TNFRSF10A: variants seen among roughly 807,000 people sequenced by gnomAD.
TNFRSF10A encodes the protein tumor necrosis factor receptor superfamily member 10A.
In TNFRSF10A, 44 loss-of-function variants were observed where a neutral mutation model predicts 42.8. The observed-to-expected ratio is 1.03, with a 90% CI of 0.81 to 1.32. The LOEUF (loss-of-function observed/expected upper bound fraction) is 1.32, where lower values mean the gene tolerates loss of function less well. TNFRSF10A is among the 40% of genes most tolerant of loss of function. The pLI, the probability that TNFRSF10A is intolerant of heterozygous loss-of-function variation, is 0.00. For synonymous variants in TNFRSF10A, 259 were observed against 234.2 expected (o/e 1.11, Z -0.97); for missense variants, 680 against 602.0 (o/e 1.13, Z -1.36).
Position 23,190,958 on chromosome 8 carries a change from A to ACAG in TNFRSF10A, c.*735_*736insCTG, listed in dbSNP as rs1369616814. Reference sequence around the variant, plus strand: ...CTAGACTCTGATGTCCACAGGCAGAAGAGTGTCCCAGCTCCAGGAGATCAG... The same window carrying ACAG: ...CTAGACTCTGATGTCCACAGGCAGAACAGGAGTGTCCCAGCTCCAGGAGATCAG... On this transcript the variant is annotated 3_prime_UTR_variant, in exon 10 of 10. Coordinates refer to ENST00000221132, the MANE Select transcript of TNFRSF10A (RefSeq NM_003844.4). 2.6e-5 allele frequency: 4 copies of ACAG among 152,208 alleles called. No homozygotes were observed. In the East Asian group the frequency reaches 7.7e-4, roughly 29 times the overall value. 9.4% of individuals were successfully genotyped at this position (152,208 alleles called of 1,614,324 possible). A position where few individuals can be genotyped will look rare whatever the true frequency, so the allele number is the denominator to read the frequency against.
chr8:23,200,816 G>A lies in TNFRSF10A; in HGVS notation c.630-56C>T, dbSNP rs528175786. The A allele has an allele frequency of 2.7e-6, 4 of 1,499,042 alleles. No homozygotes were observed. In the South Asian group the frequency reaches 4.5e-5, roughly 17 times the overall value. The allele number at this position is 1,499,042 out of a possible 1,614,324, so 92.9% of individuals were successfully genotyped here. A position where few individuals can be genotyped will look rare whatever the true frequency, so the allele number is the denominator to read the frequency against. The stretch of plus-strand genomic sequence containing the variant: ...CTCTTGATGGAAAGCTGGCCAGGTG[G>A]GATGAAAGAGGAGCCACTCTCCCTG... On this transcript the variant is annotated intron_variant, in intron 4 of 9. Coordinates refer to ENST00000221132, the MANE Select transcript of TNFRSF10A (RefSeq NM_003844.4).
At chr8:23,210,171 T>G (rs1190330241) in intron 2 of TNFRSF10A, among the ~76,000 whole-genome samples, 1 of 152,230 alleles carries the variant, frequency 6.6e-6, no homozygotes, top group Non-Finnish European at 1.5e-5. Flanking sequence ...TGCAGCCACA[T>G]GGAACTGTTA....
chr8:23,206,946 C>T (rs1801022860), intron 2 of TNFRSF10A: 1 of 308,424 alleles, frequency 3.2e-6, no homozygotes, highest in African/African-American at 2.2e-5. Context: ...AAGGAAGCTC[C>T]TGCCCCTCCT....
Position 23,191,931 on chromosome 8 carries a change from C to T in TNFRSF10A, c.1170G>A (p.Thr390=), listed in dbSNP as rs374540824. 189 of 1,614,168 alleles carry T rather than the reference C, an allele frequency of 1.2e-4. No individual in the cohort carries two copies. The highest frequency in any genetic ancestry group is 6.8e-4 in the African/African-American group (51 of 75,044). ...WDQLMRQLDL[T]KNEIDVVRAG... ...CTCTGACCACATCGATCTCATTTTT[C>T]GTGAGGTCCAGCTGCCTCATGAGCT... The change falls in exon 10 of 10, where the codon ACG becomes ACA. Residue 390 remains threonine, a synonymous_variant. Coordinates refer to ENST00000221132, the MANE Select transcript of TNFRSF10A (RefSeq NM_003844.4).
At chr8:23,193,106 A>G (rs1800777545) in intron 9 of TNFRSF10A, among the ~76,000 whole-genome samples, 1 of 152,084 alleles carries the variant, frequency 6.6e-6, no homozygotes, top group Non-Finnish European at 1.5e-5. Flanking sequence ...CTTCCACTGC[A>G]GCACCCTATT....
At chr8:23,198,066 C>T (rs1391960602) in intron 8 of TNFRSF10A, among the ~76,000 whole-genome samples, 1 of 150,864 alleles carries the variant, frequency 6.6e-6, no homozygotes, top group African/African-American at 2.4e-5. Flanking sequence ...GGTACTAATG[C>T]AAGAAAGGAA....
intron 2 of TNFRSF10A, 125 bp from the exon 3 acceptor site, chr8:23,202,886 G>A (rs940478276): frequency 3.1e-6 from 2 of 651,642 alleles, no homozygotes; most frequent in African/African-American, 1.8e-5. Context: ...CATCTTCTTG[G>A]CTTGGTCTTG....
intron 1 of TNFRSF10A, among the ~76,000 whole-genome samples, chr8:23,223,124 G>A (rs1171556602): frequency 1.3e-5 from 2 of 152,158 alleles, no homozygotes; most frequent in African/African-American, 2.4e-5. Context: ...GGAGTGCAGT[G>A]GCGTGGTCTC....
In TNFRSF10A at chr8:23,201,842, T is replaced by C. The variant is rs749769267; in HGVS notation, c.595A>G (p.Asn199Asp). Reference sequence around the variant, plus strand: ...CACTTCCGGCACATCTCAGCAGAATTGTCATTCCGGAAAGTTCCTGGTTTG... The same window carrying C: ...CACTTCCGGCACATCTCAGCAGAATCGTCATTCCGGAAAGTTCCTGGTTTG... ...QCKPGTFRND[N>D]SAEMCRKCSR... The change falls in exon 4 of 10, where the codon AAT becomes GAT. Residue 199 changes from asparagine to aspartate, a missense_variant. Transcript: ENST00000221132. 2.9e-5 allele frequency: 47 copies of C among 1,614,066 alleles called. No individual in the cohort carries two copies. The East Asian group carries it at 9.6e-4, about 33-fold the overall frequency.
chr8:23,197,259 T>C, intron 8 of TNFRSF10A, 55 bp from the exon 9 acceptor site: 1 of 1,604,630 alleles, frequency 6.2e-7, no homozygotes, highest in Non-Finnish European at 8.5e-7. Context: ...TGCAGTCTAG[T>C]ACTGACTCTG....
Position 23,191,449 on chromosome 8 carries a change from C to G in TNFRSF10A, c.*245G>C. 3.4e-6 allele frequency: 2 copies of G among 591,116 alleles called. No homozygotes were observed. The highest frequency in any genetic ancestry group is 5.8e-6 in the Non-Finnish European group (2 of 342,078). The allele number at this position is 591,116 out of a possible 1,614,324, so 36.6% of individuals were successfully genotyped here. ...GAGTAGCCGAGAATATATGCACACA[C>G]CATCACATCCAGTTAATTTTTGTAT... On this transcript the variant is annotated 3_prime_UTR_variant, in exon 10 of 10. Coordinates refer to ENST00000221132, the MANE Select transcript of TNFRSF10A (RefSeq NM_003844.4).
rs1347828355 is a variant in TNFRSF10A, at chr8:23,212,218, G to A, written c.307-6C>T. ...GCAGCTGAGCTAGGTACGACCTGTG[G>A]GGACAAAGCAGGGACTGGCATGAGT... On this transcript the variant is annotated splice_region_variant and splice_polypyrimidine_tract_variant and intron_variant, in intron 1 of 9. Transcript: ENST00000221132. 2.5e-6 allele frequency: 4 copies of A among 1,612,352 alleles called. No individual in the cohort carries two copies. The highest frequency in any genetic ancestry group is 3.4e-6 in the Non-Finnish European group (4 of 1,178,942).
intron 9 of TNFRSF10A, 96 bp from the exon 10 acceptor site, chr8:23,192,109 AC>A (rs1800763705): frequency 9.3e-6 from 14 of 1,505,364 alleles, no homozygotes; most frequent in Non-Finnish European, 1.2e-5. Flanking sequence ...CAAGGAGAGA[AC>A]CTGGAGAGCC....
At chr8:23,218,013 G>A (rs1265454150) in intron 1 of TNFRSF10A, among the ~76,000 whole-genome samples, 2 of 152,210 alleles carry the variant, frequency 1.3e-5, no homozygotes, top group East Asian at 1.9e-4. Context: ...GGCAGTCGGG[G>A]AGGGCAGTCA....
At chr8:23,203,991 A>G (rs926658501) in intron 2 of TNFRSF10A, among the ~76,000 whole-genome samples, 1 of 151,918 alleles carries the variant, frequency 6.6e-6, no homozygotes, top group African/African-American at 2.4e-5. Context: ...TTTCACCAGG[A>G]TGGTCTCGAT....
In TNFRSF10A at chr8:23,224,763, A is replaced by G; in HGVS notation, c.299T>C (p.Leu100Pro). 3 of 1,565,858 alleles carry G rather than the reference A, an allele frequency of 1.9e-6. No homozygotes were observed. The highest frequency in any genetic ancestry group is 2.6e-6 in the Non-Finnish European group (3 of 1,155,472). Reference protein sequence around the residue: ...KTFKFVVVGVLLQVVPSSAAT... With the variant: ...KTFKFVVVGVPLQVVPSSAAT... ...ACCGCGGTGGGGACTCACCTGCAGC[A>G]GGACCCCGACGACGACAAACTTGAA... The change falls in exon 1 of 10, where the codon CTG (leucine) becomes CCG (proline). Residue 100 changes from leucine to proline, a missense_variant. Coordinates refer to ENST00000221132, the MANE Select transcript of TNFRSF10A (RefSeq NM_003844.4).
At chr8:23,205,746 C>T (rs4557709) in intron 2 of TNFRSF10A, among the ~76,000 whole-genome samples, 36,279 of 147,834 alleles carry the variant, frequency 0.25, 5,486 homozygotes, top group Non-Finnish European at 0.33. Flanking sequence ...AGTCACACTC[C>T]GTCACCCAGG....
chr8:23,193,909 G>C (rs1237828942), intron 9 of TNFRSF10A, among the ~76,000 whole-genome samples: 1 of 152,162 alleles, frequency 6.6e-6, no homozygotes, highest in African/African-American at 2.4e-5. Context: ...AAGTAGGATG[G>C]AGTTCCTGTA....
intron 9 of TNFRSF10A, 123 bp downstream of exon 9, chr8:23,197,009 A>G (rs1800831478): frequency 7.9e-7 from 1 of 1,269,092 alleles, no homozygotes; most frequent in Non-Finnish European, 1.1e-6. Flanking sequence ...GGTCTATAGC[A>G]TAGGACCCCC....
Sources: gnomAD v4.1 joint callset for allele counts (sites outside exome capture counted in the v4.1 genomes callset) on GRCh38, gnomAD v4.1.1 for gene constraint, MANE v1.5 for transcripts, NCBI Gene and HGNC (gene_info 2026-07-23, HGNC 2026-07-21) for gene names.